The following PTPRS variants were observed in gnomAD, a reference collection of about 807,000 sequenced individuals.
PTPRS encodes the protein receptor-type tyrosine-protein phosphatase S.
A neutral mutation model predicts 215.3 loss-of-function variants in PTPRS; 63 were observed. The ratio of observed to expected loss-of-function variants is 0.29; its 90% CI spans 0.24 to 0.36. PTPRS has a LOEUF of 0.36. Ranked by LOEUF, PTPRS falls within the 10% of genes least tolerant of loss-of-function variation. The pLI, the probability that PTPRS is intolerant of heterozygous loss-of-function variation, is 1.00. For synonymous variants in PTPRS, 1,404 were observed against 1,191.4 expected, an observed-to-expected ratio of 1.18 and a Z score of -3.68; for missense variants, 2,258 against 2,825.8, an observed-to-expected ratio of 0.80 and a Z score of 4.56.
chr19:5,257,537 C>G lies in PTPRS; in HGVS notation c.706+480G>C, dbSNP rs1172661744. 1 of 445,968 alleles carries G rather than the reference C, an allele frequency of 2.2e-6. No individual in the cohort carries two copies. The highest frequency in any genetic ancestry group is 2.4e-5 in the Admixed American group (1 of 41,354). 27.6% of individuals were successfully genotyped at this position (445,968 alleles called of 1,614,324 possible). On this transcript the variant is annotated intron_variant, in intron 8 of 37. Transcript: ENST00000262963. This position sits in a 1 kb window ranked among gnomAD's most constrained non-coding sequence, Gnocchi z 4.4. ...CTCCTCAACTTCTAGATTGAGGGCC[C>G]TGGATTAGGGGGGGCAGTGAAGCGG...
chr19:5,304,156 G>T (rs1380371595), intron 1 of PTPRS, among the ~76,000 whole-genome samples: 1 of 151,980 alleles, frequency 6.6e-6, no homozygotes, highest in Non-Finnish European at 1.5e-5. Context: ...GGCAGACAGG[G>T]GGCCCTGGAA....
intron 1 of PTPRS, among the ~76,000 whole-genome samples, chr19:5,315,915 G>A (rs909739067): frequency 9.7e-5 from 14 of 144,840 alleles, no homozygotes; most frequent in African/African-American, 2.6e-4. Context: ...ACAGCTGTAC[G>A]CCATTACACC....
chr19:5,340,787 G>A lies in PTPRS; in HGVS notation c.-218C>T, dbSNP rs1237088374. ...GCGTGCGCGCGCCGGCCGGGCTGCC[G>A]GGCGGGCGGCGCGAGGACACTCACT... On this transcript the variant is annotated 5_prime_UTR_variant, in exon 1 of 38. Transcript: ENST00000262963. 1 of 149,160 alleles carries A rather than the reference G, an allele frequency of 6.7e-6. No individual in the cohort carries two copies. The highest frequency in any genetic ancestry group is 2.0e-4 in the East Asian group (1 of 5,054). The allele number at this position is 149,160 out of a possible 1,614,324, so 9.2% of individuals were successfully genotyped here.
chr19:5,231,284 G>T (rs372447914), intron 14 of PTPRS, 26 bp downstream of exon 14: 12 of 1,577,206 alleles, frequency 7.6e-6, no homozygotes, highest in South Asian at 3.4e-5. Flanking sequence ...CCTGCGGGGG[G>T]TCCCGGGCCT....
At chr19:5,254,168 C>T (rs1416913374) in intron 9 of PTPRS, among the ~76,000 whole-genome samples, 1 of 152,228 alleles carries the variant, frequency 6.6e-6, no homozygotes, top group Non-Finnish European at 1.5e-5. Context: ...AGACCCCTTT[C>T]TGCCATCTTT....
At chr19:5,239,739 CAG>C (rs1223701330) in intron 12 of PTPRS, among the ~76,000 whole-genome samples, 1 of 151,058 alleles carries the variant, frequency 6.6e-6, no homozygotes, top group Non-Finnish European at 1.5e-5. Context: ...GATACAGAGA[CAG>C]AGACAGAGAG....
chr19:5,246,549 A>G (rs1011882345), intron 9 of PTPRS, among the ~76,000 whole-genome samples: 1 of 152,178 alleles, frequency 6.6e-6, no homozygotes, highest in African/African-American at 2.4e-5. Flanking sequence ...GGAGCGCTGG[A>G]AGATTCTGGC....
chr19:5,238,240 C>G (rs555867885), intron 13 of PTPRS, among the ~76,000 whole-genome samples: 4 of 152,106 alleles, frequency 2.6e-5, no homozygotes, highest in Non-Finnish European at 4.4e-5. Context: ...CGGTGACCCA[C>G]AGCCAACTGC....
chr19:5,287,964 G>GCACACA lies in PTPRS; in HGVS notation c.-94-1736_-94-1731dup, dbSNP rs3042434. 1.5e-3 allele frequency among the ~76,000 whole-genome samples: 205 copies of GCACACA among 133,356 alleles called. No individual in the cohort carries two copies. The highest frequency in any genetic ancestry group is 2.2e-3 in the African/African-American group (79 of 35,640). 87.5% of individuals were successfully genotyped at this position (133,356 alleles called of 152,430 possible). A position where few individuals can be genotyped will look rare whatever the true frequency, so the allele number is the denominator to read the frequency against. On this transcript the variant is annotated intron_variant, in intron 1 of 37. Transcript: ENST00000262963. The surrounding 1 kb of genome is among the most constrained non-coding windows in gnomAD (Gnocchi z 4.8). ...TCACACAGTCAGGCAGCAGAGACGG[G>GCACACA]CACACACACACACACACACACACAC...
At chr19:5,211,142 C>T (rs1175548654) in intron 33 of PTPRS, among the ~76,000 whole-genome samples, 4 of 152,224 alleles carry the variant, frequency 2.6e-5, no homozygotes, top group Admixed American at 6.5e-5. Context: ...GGCCTTTGCA[C>T]ATGTGGCACC....
chr19:5,215,507 C>T lies in PTPRS; in HGVS notation c.4185G>A (p.Gln1395=). The T allele has an allele frequency of 6.2e-7, 1 of 1,611,312 alleles. No individual in the cohort carries two copies. The highest frequency in any genetic ancestry group is 8.5e-7 in the Non-Finnish European group (1 of 1,177,982). Residue 1395 remains glutamine, a synonymous_variant, in exon 27 of 38, where the codon CAG becomes CAA. Coordinates refer to ENST00000262963, the MANE Select transcript of PTPRS (RefSeq NM_002850.4). The part of the protein sequence containing the change: ...LKANDSLKLS[Q]EYESIDPGQQ... Reference sequence around the variant, plus strand: ...GCGGGGGTGGGCTCACCTCATACTCCTGGGAGAGCTTGAGGCTGTCGTTGG... The same window carrying T: ...GCGGGGGTGGGCTCACCTCATACTCTTGGGAGAGCTTGAGGCTGTCGTTGG...
chr19:5,284,580 G>A (rs1057096450), intron 2 of PTPRS, among the ~76,000 whole-genome samples: 4 of 152,020 alleles, frequency 2.6e-5, no homozygotes, highest in African/African-American at 9.7e-5. Context: ...GTACGACGGG[G>A]ATGCTGATAA....
At chr19:5,211,519 G>C in intron 33 of PTPRS, 71 bp downstream of exon 33, 2 of 1,482,024 alleles carry the variant, frequency 1.3e-6, no homozygotes, top group African/African-American at 1.4e-5. Context: ...TCTCCCACAA[G>C]ACTGGAGGCC....
chr19:5,285,442 A>G (rs2048263103), intron 2 of PTPRS, among the ~76,000 whole-genome samples: 1 of 152,204 alleles, frequency 6.6e-6, no homozygotes, highest in African/African-American at 2.4e-5. Context: ...TTTCATCTGC[A>G]GGCCTTCCCG....
intron 12 of PTPRS, among the ~76,000 whole-genome samples, chr19:5,239,848 A>G (rs1334897091): frequency 6.6e-6 from 1 of 152,140 alleles, no homozygotes; most frequent in African/African-American, 2.4e-5. Context: ...AGAGACAGAG[A>G]CATAAACAGA....
intron 37 of PTPRS, among the ~76,000 whole-genome samples, chr19:5,207,553 C>A (rs1299715163): frequency 6.6e-6 from 1 of 152,214 alleles, no homozygotes. Flanking sequence ...GAACCCCCTC[C>A]ACTGGAACAT....
At chr19:5,227,167 C>T (rs865917369) in intron 16 of PTPRS, among the ~76,000 whole-genome samples, 1 of 152,072 alleles carries the variant, frequency 6.6e-6, no homozygotes, top group Non-Finnish European at 1.5e-5. Flanking sequence ...CCGCCTTAGC[C>T]TCCCAAGTAG....
intron 1 of PTPRS, among the ~76,000 whole-genome samples, chr19:5,312,352 T>C (rs2049734053): frequency 6.6e-6 from 1 of 152,134 alleles, no homozygotes; most frequent in Non-Finnish European, 1.5e-5. Context: ...ATGCCAATAT[T>C]TGCAAATGCT....
At chr19:5,325,343 T>C (rs530370466) in intron 1 of PTPRS, among the ~76,000 whole-genome samples, 1 of 152,238 alleles carries the variant, frequency 6.6e-6, no homozygotes, top group African/African-American at 2.4e-5. Flanking sequence ...CAGGTGGCCA[T>C]GTGCCCAGAT....
Sources: gnomAD v4.1 joint callset for allele counts (sites outside exome capture counted in the v4.1 genomes callset) on GRCh38, gnomAD v4.1.1 for gene constraint, Gnocchi (gnomAD v3.1) non-coding constraint, MANE v1.5 for transcripts, NCBI Gene and HGNC (gene_info 2026-07-23, HGNC 2026-07-21) for gene names.